Variants in ZNF618 observed in about 807,000 individuals in gnomAD.
ZNF618 encodes neural precursor cell expressed, developmentally down-regulated 10.
Under a neutral mutation model 103.0 loss-of-function variants are expected in ZNF618, and 34 were observed. That is an observed-to-expected ratio of 0.33 (90% CI 0.25 to 0.44). ZNF618 has a LOEUF of 0.44. Among genes scored for constraint, ZNF618 ranks in the 20% least tolerant of loss-of-function variants. The pLI is 1.00. For synonymous variants in ZNF618, 551 were observed against 542.2 expected (o/e 1.02, Z -0.23); for missense variants, 1,059 against 1,295.4 (o/e 0.82, Z 2.80).
At chr9:114,035,347 GCCCT>G in intron 12 of ZNF618, 2 of 742,790 alleles carry the variant, frequency 2.7e-6, no homozygotes, top group Non-Finnish European at 3.3e-6. Flanking sequence ...GCCTTGGGCT[GCCCT>G]CCCGGGCAGA....
At chr9:113,914,649 C>T (rs1214521281) in intron 1 of ZNF618, among the ~76,000 whole-genome samples, 1 of 152,200 alleles carries the variant, frequency 6.6e-6, no homozygotes, top group Admixed American at 6.5e-5. Flanking sequence ...CTTTTGAATG[C>T]TCCCATTGGA....
intron 14 of ZNF618, 88 bp downstream of exon 14, chr9:114,048,082 C>T: frequency 8.6e-7 from 1 of 1,163,668 alleles, no homozygotes; most frequent in Non-Finnish European, 1.2e-6. Flanking sequence ...ATTTGTGCTT[C>T]CTGTGATGTT....
chr9:114,029,646 T>A (rs1843827231), intron 11 of ZNF618, among the ~76,000 whole-genome samples: 1 of 151,344 alleles, frequency 6.6e-6, no homozygotes, highest in East Asian at 1.9e-4. Flanking sequence ...AAAAAAAAAG[T>A]CATTTCAACA....
At chr9:113,922,031 T>C (rs545757664) in intron 1 of ZNF618, among the ~76,000 whole-genome samples, 1 of 152,324 alleles carries the variant, frequency 6.6e-6, no homozygotes, top group East Asian at 1.9e-4. Flanking sequence ...ACTTTGGATG[T>C]TGATTTTTGA....
At chr9:113,986,537 A>T (rs1393343976) in intron 2 of ZNF618, among the ~76,000 whole-genome samples, 1 of 152,166 alleles carries the variant, frequency 6.6e-6, no homozygotes, top group Non-Finnish European at 1.5e-5. Context: ...CTGGCTGTAG[A>T]GGGTCGCCCT....
intron 12 of ZNF618, among the ~76,000 whole-genome samples, chr9:114,034,839 G>T (rs1053311981): frequency 3.3e-5 from 5 of 152,200 alleles, no homozygotes; most frequent in African/African-American, 4.8e-5. Context: ...GAACCTAGAA[G>T]TAGCTGCCAG....
Position 114,050,920 on chromosome 9 carries a change from C to G in ZNF618, c.*753C>G, listed in dbSNP as rs1010856205. ...TGTCCCGGGGCAGCCGCCTTAGAAA[C>G]ACACCTATCTATCTCCCCAAATCAG... is the stretch of plus-strand genomic sequence containing the variant. On this transcript the variant is annotated 3_prime_UTR_variant, in exon 15 of 15. Transcript: ENST00000374126. 2.6e-5 allele frequency: 4 copies of G among 152,664 alleles called. No individual in the cohort carries two copies. The highest frequency in any genetic ancestry group is 9.6e-5 in the African/African-American group (4 of 41,458). 9.5% of individuals were successfully genotyped at this position (152,664 alleles called of 1,614,324 possible). A position where few individuals can be genotyped will look rare whatever the true frequency, so the allele number is the denominator to read the frequency against.
intron 1 of ZNF618, among the ~76,000 whole-genome samples, chr9:113,879,433 T>A (rs1453236501): frequency 6.8e-6 from 1 of 147,152 alleles, no homozygotes; most frequent in African/African-American, 2.5e-5. Flanking sequence ...ATTCTGATCA[T>A]GTTTGTTGTA....
intron 9 of ZNF618, among the ~76,000 whole-genome samples, chr9:114,011,835 T>A (rs1162994276): frequency 6.6e-6 from 1 of 152,148 alleles, no homozygotes; most frequent in Non-Finnish European, 1.5e-5. Flanking sequence ...AAGAGAGAGT[T>A]GGTCCAAGAA....
At chr9:113,978,419 G>A (rs1202136138) in intron 2 of ZNF618, among the ~76,000 whole-genome samples, 5 of 152,166 alleles carry the variant, frequency 3.3e-5, no homozygotes. Flanking sequence ...AACACATCAG[G>A]GAGAGAGAGA....
intron 1 of ZNF618, among the ~76,000 whole-genome samples, chr9:113,947,686 C>T (rs1835169974): frequency 6.6e-6 from 1 of 152,208 alleles, no homozygotes; most frequent in Non-Finnish European, 1.5e-5. Flanking sequence ...GTCTGTATTT[C>T]CCCGAGGCCA....
chr9:114,004,388 C>A (rs1449247909), intron 6 of ZNF618, among the ~76,000 whole-genome samples: 1 of 152,238 alleles, frequency 6.6e-6, no homozygotes, highest in African/African-American at 2.4e-5. Context: ...TTCAATAGTT[C>A]CATTCTTTTC....
At chr9:114,022,941 C>T (rs1347730167) in intron 10 of ZNF618, among the ~76,000 whole-genome samples, 1 of 152,086 alleles carries the variant, frequency 6.6e-6, no homozygotes, top group East Asian at 1.9e-4. Flanking sequence ...TTGTCTGTTA[C>T]TGTAAGCCAT....
Position 113,994,906 on chromosome 9 carries a change from A to T in ZNF618, c.338-3353A>T, listed in dbSNP as rs115407560. Among the ~76,000 whole-genome samples the T allele has an allele frequency of 4.7e-3, 722 of 152,072 alleles. 8 individuals carry two copies. The highest frequency in any genetic ancestry group is 0.017 in the African/African-American group (689 of 41,486). Reference sequence around the variant, plus strand: ...TCCAAAGTTTAAATCATTGCAAAGGATATAATTTCCAGGATATTGTGTAAA... The same window carrying T: ...TCCAAAGTTTAAATCATTGCAAAGGTTATAATTTCCAGGATATTGTGTAAA... On this transcript the variant is annotated intron_variant, in intron 3 of 14. Coordinates refer to ENST00000374126, the MANE Select transcript of ZNF618 (RefSeq NM_001318042.2).
At chr9:113,933,695 G>A (rs1244329911) in intron 1 of ZNF618, among the ~76,000 whole-genome samples, 1 of 152,206 alleles carries the variant, frequency 6.6e-6, no homozygotes, top group Non-Finnish European at 1.5e-5. Context: ...ACATGGTTTT[G>A]TGTGTTCTTC....
intron 3 of ZNF618, among the ~76,000 whole-genome samples, chr9:113,994,006 G>A (rs1840324380): frequency 6.6e-6 from 1 of 152,194 alleles, no homozygotes; most frequent in Non-Finnish European, 1.5e-5. Flanking sequence ...ATCAGGGAGG[G>A]TCACTGGACA....
intron 1 of ZNF618, among the ~76,000 whole-genome samples, chr9:113,889,363 C>G (rs1202744613): frequency 6.6e-6 from 1 of 151,790 alleles, no homozygotes; most frequent in Non-Finnish European, 1.5e-5. Context: ...CCCTCCCTCT[C>G]CATGTGTGGT....
chr9:114,048,286 C>T (rs771792087), intron 14 of ZNF618, among the ~76,000 whole-genome samples: 16 of 152,160 alleles, frequency 1.1e-4, no homozygotes, highest in Non-Finnish European at 2.1e-4. Context: ...TTGCTCTTTC[C>T]TGACATGATG....
At chr9:113,893,210 G>A (rs1829763101) in intron 1 of ZNF618, among the ~76,000 whole-genome samples, 1 of 152,194 alleles carries the variant, frequency 6.6e-6, no homozygotes, top group Non-Finnish European at 1.5e-5. Flanking sequence ...AGCAGAGATT[G>A]GAGCCTGAGT....
Sources: gnomAD v4.1 joint callset for allele counts (sites outside exome capture counted in the v4.1 genomes callset) on GRCh38, gnomAD v4.1.1 for gene constraint, MANE v1.5 for transcripts, NCBI Gene and HGNC (gene_info 2026-07-23, HGNC 2026-07-21) for gene names.